Variants in CCDC141 observed in about 807,000 individuals in gnomAD.
The protein encoded by CCDC141 is coiled-coil domain-containing protein 141.
Under a neutral mutation model 181.0 loss-of-function variants are expected in CCDC141, and 168 were observed. The observed-to-expected ratio is 0.93, with a 90% CI of 0.82 to 1.05. The LOEUF (loss-of-function observed/expected upper bound fraction) is 1.05, where lower values mean the gene tolerates loss of function less well. Ranked by LOEUF, CCDC141 falls within the 50% of genes least tolerant of loss-of-function variation. CCDC141 has a pLI of 0.00. For missense variants in CCDC141, 1,902 were observed against 1,788.5 expected, an observed-to-expected ratio of 1.06 and a Z score of -1.14; for synonymous variants, 666 against 642.3, an observed-to-expected ratio of 1.04 and a Z score of -0.56.
At chr2:178,969,381 T>C (rs1055155426) in intron 4 of CCDC141, among the ~76,000 whole-genome samples, 1 of 152,120 alleles carries the variant, frequency 6.6e-6, no homozygotes, top group Non-Finnish European at 1.5e-5. Flanking sequence ...CTCAATAAAA[T>C]ACTGGCAAAC....
At position 179,041,167 on chromosome 2, in the gene CCDC141, G is replaced by C. The variant is rs535839667; in HGVS notation, c.225+6117C>G. Among the ~76,000 whole-genome samples, 4 of 152,220 alleles carry C rather than the reference G, an allele frequency of 2.6e-5. No individual in the cohort carries two copies. In the East Asian group the frequency reaches 7.7e-4, roughly 29 times the overall value. On this transcript the variant is annotated intron_variant, in intron 2 of 23. Coordinates refer to ENST00000443758, the MANE Select transcript of CCDC141 (RefSeq NM_173648.4). Reference sequence around the variant, plus strand: ...GCTCACTGCAAGCTCCGCCTCCTGGGTTCACGCCATTTTCCTGCCTCCACG... The same window carrying C: ...GCTCACTGCAAGCTCCGCCTCCTGGCTTCACGCCATTTTCCTGCCTCCACG...
chr2:178,943,968 T>C (rs1689626060), intron 6 of CCDC141, among the ~76,000 whole-genome samples: 2 of 152,296 alleles, frequency 1.3e-5, no homozygotes, highest in South Asian at 4.1e-4. Flanking sequence ...GCAAAAGACA[T>C]GTAAATTGGA....
Position 178,928,125 on chromosome 2 carries a change from G to A in CCDC141, c.898-9218C>T, listed in dbSNP as rs374910008. On this transcript the variant is annotated intron_variant, in intron 6 of 23. Transcript: ENST00000443758. The stretch of plus-strand genomic sequence containing the variant: ...AGAATTAGGAAGAAACAGAGAAACC[G>A]GGTGACTGAGTTTACTCACAACAGT... Among the ~76,000 whole-genome samples the A allele has an allele frequency of 3.9e-5, 6 of 152,212 alleles. No individual in the cohort carries two copies. The South Asian group carries it at 6.2e-4, about 16-fold the overall frequency.
chr2:178,925,301 TA>T (rs2154375336), intron 6 of CCDC141, among the ~76,000 whole-genome samples: 1 of 152,376 alleles, frequency 6.6e-6, no homozygotes, highest in Admixed American at 6.5e-5. Context: ...GAAAATAGCC[TA>T]TGACTTGGAA....
rs202070152 is a variant in CCDC141, at chr2:178,937,355, GT to G, written c.897+7179del. Among the ~76,000 whole-genome samples the G allele has an allele frequency of 1.9e-3, 288 of 152,198 alleles. 4 individuals carry two copies. In the East Asian group the frequency reaches 0.039, roughly 21 times the overall value. ...CCACATCTATTGAGAAAATCATGTAGTTTTTGTCTTTAGTTCTGTTTATGTG... is the reference window on the plus strand; with the variant it reads ...CCACATCTATTGAGAAAATCATGTAGTTTTGTCTTTAGTTCTGTTTATGTG... On this transcript the variant is annotated intron_variant, in intron 6 of 23. Coordinates refer to ENST00000443758, the MANE Select transcript of CCDC141 (RefSeq NM_173648.4).
chr2:178,837,867 G>T (rs1684556796), intron 22 of CCDC141, 123 bp from the exon 23 acceptor site: 3 of 1,083,430 alleles, frequency 2.8e-6, no homozygotes, highest in African/African-American at 3.2e-5. Context: ...AATTTAGGGG[G>T]CTGGAGCAAG....
At chr2:179,047,167 A>C (rs1575389558) in intron 2 of CCDC141, 117 bp downstream of exon 2, 41 of 787,820 alleles carry the variant, frequency 5.2e-5, no homozygotes, top group Non-Finnish European at 6.8e-5. Context: ...TCCATTATCT[A>C]CCTGGTACCA....
Position 178,856,537 on chromosome 2 carries a change from C to CCTCT in CCDC141, c.2725-144_2725-141dup, listed in dbSNP as rs61168315. 0.42 allele frequency: 200,878 copies of CCTCT among 480,852 alleles called. 45,224 individuals carry two copies. The highest frequency in any genetic ancestry group is 0.59 in the Admixed American group (15,544 of 26,292). 29.8% of individuals were successfully genotyped at this position (480,852 alleles called of 1,614,324 possible). ...TAGGGTAATTTTCCCTCCCTCCCTC[C>CCTCT]CTCTCTCTTTCTTTCTTTCACTCTT... On this transcript the variant is annotated intron_variant, in intron 17 of 23. Transcript: ENST00000443758.
chr2:178,945,106 C>T (rs1292325587), intron 5 of CCDC141, among the ~76,000 whole-genome samples: 5 of 152,064 alleles, frequency 3.3e-5, no homozygotes, highest in Non-Finnish European at 5.9e-5. Context: ...ATTTAGTTTG[C>T]TACAAGTGCT....
chr2:178,853,619 A>G lies in CCDC141; in HGVS notation c.3066T>C (p.His1022=). The G allele has an allele frequency of 1.2e-6, 2 of 1,611,320 alleles. No individual in the cohort carries two copies. Among genetic ancestry groups the G allele is most frequent in the East Asian group, 4.5e-5 (2 of 44,794 alleles). The change falls in exon 20 of 24, where the codon CAT becomes CAC. Residue 1022 remains histidine (H), a synonymous_variant. Coordinates refer to ENST00000443758, the MANE Select transcript of CCDC141 (RefSeq NM_173648.4). ...TGGCACTTGCATCTTCGTACCAAAAATGACACTAAATTTAAATGGGATAAA... is the reference window on the plus strand; with the variant it reads ...TGGCACTTGCATCTTCGTACCAAAAGTGACACTAAATTTAAATGGGATAAA... ...EHFQEVIEEC[H]FWYEDASATV...
chr2:178,954,822 A>C (rs532599878), intron 5 of CCDC141, among the ~76,000 whole-genome samples: 191 of 149,338 alleles, frequency 1.3e-3, no homozygotes, highest in African/African-American at 4.2e-3. Context: ...CAAAAAAAAA[A>C]CCAAAAAACT....
At chr2:178,894,589 C>A (rs761766273) in intron 8 of CCDC141, among the ~76,000 whole-genome samples, 10 of 151,192 alleles carry the variant, frequency 6.6e-5, no homozygotes, top group Non-Finnish European at 1.0e-4. Flanking sequence ...AAATTAGACA[C>A]ACAAAAAAAT....
intron 5 of CCDC141, among the ~76,000 whole-genome samples, chr2:178,957,172 C>T (rs770072810): frequency 1.6e-4 from 24 of 152,126 alleles, no homozygotes; most frequent in Admixed American, 3.9e-4. Context: ...CGGGCCTGGC[C>T]GAGAAAGCTT....
At chr2:179,041,168 T>C (rs2043288703) in intron 2 of CCDC141, among the ~76,000 whole-genome samples, 1 of 152,102 alleles carries the variant, frequency 6.6e-6, no homozygotes, top group East Asian at 1.9e-4. Flanking sequence ...GCCTCCTGGG[T>C]TCACGCCATT....
intron 2 of CCDC141, among the ~76,000 whole-genome samples, chr2:179,019,322 T>TA (rs201489991): frequency 4.4e-4 from 67 of 151,206 alleles, no homozygotes; most frequent in African/African-American, 4.4e-4. Flanking sequence ...TTTATATTTA[T>TA]AAAAAAAAAG....
intron 7 of CCDC141, among the ~76,000 whole-genome samples, chr2:178,914,132 A>G (rs997204686): frequency 6.6e-6 from 1 of 152,216 alleles, no homozygotes; most frequent in African/African-American, 2.4e-5. Context: ...CGAAGGATGA[A>G]TATTTTGGAG....
intron 11 of CCDC141, among the ~76,000 whole-genome samples, chr2:178,882,750 A>G (rs1686688220): frequency 6.6e-6 from 1 of 152,114 alleles, no homozygotes; most frequent in African/African-American, 2.4e-5. Context: ...AATCAGCACA[A>G]TTGTATGATT....
chr2:179,036,024 C>T (rs1387350482), intron 2 of CCDC141, among the ~76,000 whole-genome samples: 11 of 152,160 alleles, frequency 7.2e-5, no homozygotes, highest in Non-Finnish European at 1.3e-4. Flanking sequence ...GGACACCTCT[C>T]TTTTTTGCCC....
chr2:178,970,608 T>A (rs975974118), intron 4 of CCDC141, among the ~76,000 whole-genome samples: 1 of 152,058 alleles, frequency 6.6e-6, no homozygotes, highest in South Asian at 2.1e-4. Context: ...ACACCTTATA[T>A]GAAAATCAAC....
Sources: allele counts gnomAD v4.1 joint callset (sites outside exome capture counted in the v4.1 genomes callset), GRCh38; gene constraint gnomAD v4.1.1; transcripts MANE v1.5; gene names NCBI Gene and HGNC (gene_info 2026-07-23, HGNC 2026-07-21).